The following MAD1L1 variants were observed in gnomAD, a reference collection of about 807,000 sequenced individuals.
MAD1L1 encodes the protein mitotic spindle assembly checkpoint protein MAD1.
Under a neutral mutation model 96.9 loss-of-function variants are expected in MAD1L1, and 95 were observed. That is an observed-to-expected ratio of 0.98 (90% CI 0.83 to 1.16). The LOEUF is 1.16. Ranked by LOEUF, MAD1L1 falls within the 50% of genes most tolerant of loss-of-function variation. MAD1L1 has a pLI of 0.00. For missense variants in MAD1L1, 1,007 were observed against 954.4 expected (o/e 1.06, Z -0.73); for synonymous variants, 473 against 396.6 (o/e 1.19, Z -2.29).
At chr7:1,955,213 C>A (rs986509989) in intron 16 of MAD1L1, among the ~76,000 whole-genome samples, 1 of 152,266 alleles carries the variant, frequency 6.6e-6, no homozygotes, top group Non-Finnish European at 1.5e-5. Context: ...TTTAATCAAT[C>A]TTCCTTGAAG....
chr7:1,957,065 G>A (rs115593103), intron 16 of MAD1L1, among the ~76,000 whole-genome samples: 6,228 of 152,296 alleles, frequency 0.041, 426 homozygotes, highest in African/African-American at 0.14. Flanking sequence ...TGTACACCAC[G>A]GCCCAGTTAA....
At chr7:1,934,487 T>C in intron 17 of MAD1L1, among the ~76,000 whole-genome samples, 1 of 112,134 alleles carries the variant, frequency 8.9e-6, no homozygotes, top group East Asian at 2.7e-4. Context: ...GAGCGAACCC[T>C]AGACAGGCAG....
intron 11 of MAD1L1, among the ~76,000 whole-genome samples, chr7:2,089,688 C>T (rs1156833164): frequency 6.7e-6 from 1 of 149,800 alleles, no homozygotes; most frequent in East Asian, 2.0e-4. Context: ...CACCCCATCA[C>T]GTGCATCGTG....
intron 11 of MAD1L1, among the ~76,000 whole-genome samples, chr7:2,116,577 G>T (rs558410453): frequency 6.6e-6 from 1 of 151,004 alleles, no homozygotes; most frequent in African/African-American, 2.4e-5. Context: ...TGGGGGGGGG[G>T]GGGGCTCCTG....
At chr7:2,033,686 G>C (rs1040495247) in intron 12 of MAD1L1, among the ~76,000 whole-genome samples, 4 of 152,244 alleles carry the variant, frequency 2.6e-5, no homozygotes, top group Non-Finnish European at 4.4e-5. Flanking sequence ...CTCAGCACGA[G>C]TGAGGCCATG....
intron 18 of MAD1L1, among the ~76,000 whole-genome samples, chr7:1,855,129 G>A (rs1024540667): frequency 6.6e-6 from 1 of 152,144 alleles, no homozygotes. Context: ...TTTGCCGGCC[G>A]ACAGCTCTGT....
chr7:1,853,362 T>A (rs1181415745), intron 18 of MAD1L1, among the ~76,000 whole-genome samples: 1 of 152,080 alleles, frequency 6.6e-6, no homozygotes, highest in African/African-American at 2.4e-5. Context: ...CCGGTCCCTC[T>A]GGAAAGAGCG....
intron 16 of MAD1L1, among the ~76,000 whole-genome samples, chr7:1,942,064 G>A (rs1023430732): frequency 3.3e-5 from 5 of 152,116 alleles, no homozygotes; most frequent in Admixed American, 1.3e-4. Flanking sequence ...ACCTCCACGC[G>A]TTCGTTCCTG....
At chr7:1,996,646 C>G (rs1325396588) in intron 14 of MAD1L1, among the ~76,000 whole-genome samples, 1 of 152,340 alleles carries the variant, frequency 6.6e-6, no homozygotes, top group Non-Finnish European at 1.5e-5. Context: ...GCAGCCTGTC[C>G]GGGCCTCAGT....
In MAD1L1 at chr7:2,222,708, A is replaced by T; in HGVS notation, c.338T>A (p.Leu113His). ...CTCCGCCCCGGCCTCCCGCTCCTGA[A>T]GCTGCCGGATGCGCGTCAGGAGCTC... ...NQELLTRIRQ[L>H]QEREAGAEEK... The change falls in exon 5 of 19, where the codon CTT becomes CAT. Residue 113 changes from leucine (L) to histidine (H), a missense_variant. Leu to His is a moderately conservative substitution (Grantham distance 99). Transcript: ENST00000265854. The T allele has an allele frequency of 6.2e-7, 1 of 1,610,188 alleles. No individual in the cohort carries two copies. Among genetic ancestry groups the T allele is most frequent in the Non-Finnish European group, 8.5e-7 (1 of 1,179,666 alleles).
At chr7:1,888,347 C>T (rs1342903490) in intron 18 of MAD1L1, among the ~76,000 whole-genome samples, 1 of 134,054 alleles carries the variant, frequency 7.5e-6, no homozygotes, top group East Asian at 2.4e-4. Flanking sequence ...GCTGCCTGTG[C>T]ATGTGTGTGC....
At chr7:2,130,737 C>T (rs888822011) in intron 11 of MAD1L1, among the ~76,000 whole-genome samples, 1 of 152,246 alleles carries the variant, frequency 6.6e-6, no homozygotes. Flanking sequence ...CCAAACACCA[C>T]ACCTCTCCCA....
chr7:2,156,998 C>G (rs1329517489), intron 10 of MAD1L1, among the ~76,000 whole-genome samples: 5 of 152,186 alleles, frequency 3.3e-5, no homozygotes, highest in Non-Finnish European at 5.9e-5. Flanking sequence ...CTGCGGTTCT[C>G]TGTCAATCTG....
At chr7:2,125,649 A>G (rs1168007340) in intron 11 of MAD1L1, among the ~76,000 whole-genome samples, 1 of 152,174 alleles carries the variant, frequency 6.6e-6, no homozygotes, top group African/African-American at 2.4e-5. Context: ...GACTCCAAAC[A>G]GGGCAGTGAG....
intron 12 of MAD1L1, among the ~76,000 whole-genome samples, chr7:2,032,002 A>G (rs914591485): frequency 1.3e-5 from 2 of 152,234 alleles, no homozygotes; most frequent in Non-Finnish European, 2.9e-5. Context: ...CAGTTCAAAA[A>G]TCTTACAGTG....
intron 11 of MAD1L1, among the ~76,000 whole-genome samples, chr7:2,147,581 C>T (rs527416152): frequency 6.6e-6 from 1 of 152,334 alleles, no homozygotes; most frequent in South Asian, 2.1e-4. Flanking sequence ...TTTCACAGAA[C>T]AGGACGGAGC....
intron 18 of MAD1L1, among the ~76,000 whole-genome samples, chr7:1,863,917 T>G (rs1224382068): frequency 3.9e-5 from 6 of 152,136 alleles, no homozygotes; most frequent in Non-Finnish European, 5.9e-5. Flanking sequence ...TGAAACCCCG[T>G]CTCTACTAAA....
chr7:1,978,490 G>A (rs1317322195), intron 15 of MAD1L1, among the ~76,000 whole-genome samples: 2 of 152,170 alleles, frequency 1.3e-5, no homozygotes, highest in East Asian at 3.9e-4. Flanking sequence ...CCCCAGGCCT[G>A]GCAGCCAGTG....
intron 17 of MAD1L1, among the ~76,000 whole-genome samples, chr7:1,912,285 G>A (rs1562517477): frequency 6.6e-6 from 1 of 152,214 alleles, no homozygotes; most frequent in East Asian, 1.9e-4. Flanking sequence ...AGCAAATGGG[G>A]GCATGTGTGG....
Sources: allele counts gnomAD v4.1 joint callset (sites outside exome capture counted in the v4.1 genomes callset), GRCh38; gene constraint gnomAD v4.1.1; transcripts MANE v1.5; gene names NCBI Gene and HGNC (gene_info 2026-07-23, HGNC 2026-07-21).